Variants in ZDHHC7 observed in about 807,000 individuals in gnomAD.
The protein encoded by ZDHHC7 is palmitoyltransferase ZDHHC7.
Under a neutral mutation model 34.1 loss-of-function variants are expected in ZDHHC7, and 12 were observed. That is an observed-to-expected ratio of 0.35 (90% CI 0.23 to 0.57). ZDHHC7 has a LOEUF of 0.57. ZDHHC7 is among the 20% of genes least tolerant of loss of function. ZDHHC7 has a pLI of 0.84. For synonymous variants in ZDHHC7, 185 were observed against 155.4 expected (o/e 1.19, Z -1.42); for missense variants, 388 against 402.7 (o/e 0.96, Z 0.31).
Position 84,990,472 on chromosome 16 carries a change from G to T in ZDHHC7, c.147C>A (p.Ile49=), listed in dbSNP as rs373069099. 2 of 1,614,192 alleles carry T rather than the reference G, an allele frequency of 1.2e-6. No homozygotes were observed. Among genetic ancestry groups the T allele is most frequent in the Non-Finnish European group, 1.7e-6 (2 of 1,180,024 alleles). ...CCAGAAGCCACGTCATGACAGCACA[G>T]ATCATGCCGCAGCCGTCACGGATGA... ...VWFIRDGCGM[I]CAVMTWLLVA... is the part of the protein sequence containing the mutation. The change falls in exon 3 of 8, where the codon ATC becomes ATA. Residue 49 remains isoleucine, a synonymous_variant. Coordinates refer to ENST00000313732, the MANE Select transcript of ZDHHC7 (RefSeq NM_017740.3).
intron 3 of ZDHHC7, among the ~76,000 whole-genome samples, chr16:84,986,875 G>C (rs1007492884): frequency 6.6e-6 from 1 of 152,184 alleles, no homozygotes; most frequent in Non-Finnish European, 1.5e-5. Flanking sequence ...GCCTGGACTG[G>C]ACCCTGGTAG....
the ZDHHC7 span, among the ~76,000 whole-genome samples, chr16:85,021,557 A>G: frequency 6.6e-6 from 1 of 152,034 alleles, no homozygotes; most frequent in Non-Finnish European, 1.5e-5. Flanking sequence ...AAAGAAAAAC[A>G]AATACAAAAA....
At chr16:84,988,724 C>T (rs577180520) in intron 3 of ZDHHC7, 2 of 1,539,806 alleles carry the variant, frequency 1.3e-6, no homozygotes, top group South Asian at 1.2e-5. Flanking sequence ...GGACTCCCAG[C>T]CAGGCTGACC....
intron 7 of ZDHHC7, 89 bp from the exon 8 acceptor site, chr16:84,976,608 A>G (rs141070189): frequency 2.7e-6 from 4 of 1,504,792 alleles, no homozygotes; most frequent in Middle Eastern, 2.4e-4. Context: ...GCTCAAGCAC[A>G]GTGTGGGCTC....
the ZDHHC7 span, among the ~76,000 whole-genome samples, chr16:85,020,015 T>A: frequency 6.6e-6 from 1 of 152,156 alleles, no homozygotes; most frequent in Non-Finnish European, 1.5e-5. Flanking sequence ...ATTGACCAAA[T>A]GAAGTACAGG....
upstream of ZDHHC7, among the ~76,000 whole-genome samples, chr16:85,015,434 G>T (rs1228250824): frequency 3.3e-5 from 5 of 152,132 alleles, no homozygotes. Context: ...AAAGGTGCCA[G>T]ATTCTTAGTA....
At chr16:85,022,213 G>C in the ZDHHC7 span, among the ~76,000 whole-genome samples, 2 of 150,154 alleles carry the variant, frequency 1.3e-5, no homozygotes, top group African/African-American at 4.9e-5. Context: ...AATAAATGTA[G>C]GTGGAGCAAT....
the ZDHHC7 span, among the ~76,000 whole-genome samples, chr16:85,025,676 G>A: frequency 1.3e-5 from 2 of 152,146 alleles, no homozygotes; most frequent in South Asian, 2.1e-4. Flanking sequence ...CCAAAGTGCT[G>A]GGATTACAGG....
At chr16:84,978,722 C>A (rs1043829846) in intron 5 of ZDHHC7, among the ~76,000 whole-genome samples, 1 of 151,868 alleles carries the variant, frequency 6.6e-6, no homozygotes, top group East Asian at 1.9e-4. Context: ...ATTAGCCAGG[C>A]GTGGTGGTAC....
intron 2 of ZDHHC7, among the ~76,000 whole-genome samples, chr16:84,993,845 T>C (rs1268538074): frequency 1.3e-5 from 2 of 152,126 alleles, no homozygotes; most frequent in Non-Finnish European, 2.9e-5. Flanking sequence ...ATAAACCTCA[T>C]TCACCCTGCA....
intron 1 of ZDHHC7, among the ~76,000 whole-genome samples, chr16:85,001,197 G>A (rs538599087): frequency 4.5e-4 from 68 of 152,240 alleles, no homozygotes; most frequent in Non-Finnish European, 8.1e-4. Context: ...GGGGCCGGGC[G>A]CGGTGCCTCA....
chr16:85,010,694 G>C (rs2072779467), intron 1 of ZDHHC7, among the ~76,000 whole-genome samples: 1 of 152,186 alleles, frequency 6.6e-6, no homozygotes, highest in Non-Finnish European at 1.5e-5. Flanking sequence ...CTAACTGAGT[G>C]TGACAAAGTT....
the ZDHHC7 span, among the ~76,000 whole-genome samples, chr16:85,021,079 T>A: frequency 6.6e-6 from 1 of 150,522 alleles, no homozygotes; most frequent in Admixed American, 6.7e-5. Context: ...CACTCCAGCC[T>A]AAGTGACAGA....
rs572817536 is a variant in ZDHHC7 at position 85,010,129 on chromosome 16, C to T, written c.-104+1157G>A. On this transcript the variant is annotated intron_variant, in intron 1 of 7. Coordinates refer to ENST00000313732, the MANE Select transcript of ZDHHC7 (RefSeq NM_017740.3). Reference sequence around the variant, plus strand: ...CATGATCTCAAACTCAAGTGATCCCCCCACCTCAGCCTCCCAAGCAGCTGA... The same window carrying T: ...CATGATCTCAAACTCAAGTGATCCCTCCACCTCAGCCTCCCAAGCAGCTGA... Among the ~76,000 whole-genome samples the T allele has an allele frequency of 4.6e-5, 7 of 151,874 alleles. No individual in the cohort carries two copies. The South Asian group carries it at 1.5e-3, about 32-fold the overall frequency.
At chr16:85,021,833 C>T in the ZDHHC7 span, among the ~76,000 whole-genome samples, 1 of 151,568 alleles carries the variant, frequency 6.6e-6, no homozygotes, top group Non-Finnish European at 1.5e-5. Flanking sequence ...AGAGAGCCCT[C>T]CAGCTGCTTT....
chr16:85,020,857 C>A, the ZDHHC7 span, among the ~76,000 whole-genome samples: 1 of 152,136 alleles, frequency 6.6e-6, no homozygotes, highest in African/African-American at 2.4e-5. Context: ...GTAATCCCAG[C>A]ATTTTGGGAG....
chr16:85,020,098 T>C, the ZDHHC7 span, among the ~76,000 whole-genome samples: 1 of 152,154 alleles, frequency 6.6e-6, no homozygotes, highest in African/African-American at 2.4e-5. Flanking sequence ...CACACCCCTC[T>C]GGAAAGAGCC....
upstream of ZDHHC7, among the ~76,000 whole-genome samples, chr16:85,013,049 A>C (rs568829771): frequency 2.0e-5 from 3 of 152,328 alleles, no homozygotes; most frequent in East Asian, 5.8e-4. Context: ...CCTAAAGGGC[A>C]GGTGTAAATT....
chr16:85,018,127 G>A, the ZDHHC7 span, among the ~76,000 whole-genome samples: 1 of 152,110 alleles, frequency 6.6e-6, no homozygotes, highest in African/African-American at 2.4e-5. Context: ...CCCACATCCT[G>A]GGTTTCAGGG....
Sources: gnomAD v4.1 joint callset for allele counts (sites outside exome capture counted in the v4.1 genomes callset) on GRCh38, gnomAD v4.1.1 for gene constraint, MANE v1.5 for transcripts, NCBI Gene and HGNC (gene_info 2026-07-23, HGNC 2026-07-21) for gene names.